The following NPR3 variants were observed in gnomAD, a reference collection of about 807,000 sequenced individuals.
NPR3 encodes atrial natriuretic peptide receptor 3.
Under a neutral mutation model 54.5 loss-of-function variants are expected in NPR3, and 34 were observed. That is an observed-to-expected ratio of 0.62 (90% CI 0.47 to 0.83). NPR3 has a LOEUF of 0.83. Among genes scored for constraint, NPR3 ranks in the 40% least tolerant of loss-of-function variants. The pLI is 0.00. For missense variants in NPR3, 674 were observed against 720.8 expected (o/e 0.94, Z 0.74); for synonymous variants, 289 against 297.1 (o/e 0.97, Z 0.28).
At chr5:32,720,863 A>G (rs1354397253) in intron 1 of NPR3, among the ~76,000 whole-genome samples, 1 of 152,152 alleles carries the variant, frequency 6.6e-6, no homozygotes, top group Admixed American at 6.5e-5. Flanking sequence ...TTCTTCATAT[A>G]CTTTCTAAGA....
At chr5:32,691,748 G>A (rs930828802) in intron 1 of NPR3, among the ~76,000 whole-genome samples, 1 of 152,178 alleles carries the variant, frequency 6.6e-6, no homozygotes, top group African/African-American at 2.4e-5. Flanking sequence ...TCTAAAAGGG[G>A]ACACCGATGA....
rs563807524 is a variant in NPR3 at position 32,756,778 on chromosome 5, G to A, written c.1059+17748G>A. Among the ~76,000 whole-genome samples the A allele has an allele frequency of 2.6e-4, 40 of 152,280 alleles. 2 individuals are homozygous for A. In the South Asian group the frequency reaches 7.7e-3, roughly 29 times the overall value. ...TTTAATCCCTCTTGAATTAATTTTTGTATAAGGTGTAAGGAAGTGATCCAG... is the reference window on the plus strand; with the variant it reads ...TTTAATCCCTCTTGAATTAATTTTTATATAAGGTGTAAGGAAGTGATCCAG... On this transcript the variant is annotated intron_variant, in intron 3 of 7. Transcript: ENST00000265074.
chr5:32,713,146 G>T, intron 1 of NPR3: 2 of 984,940 alleles, frequency 2.0e-6, no homozygotes, highest in Non-Finnish European at 2.4e-6. Flanking sequence ...AGCTTCTGTG[G>T]TTTCCACCAA....
chr5:32,759,822 A>G (rs575534594), intron 3 of NPR3, among the ~76,000 whole-genome samples: 1 of 152,144 alleles, frequency 6.6e-6, no homozygotes, highest in East Asian at 1.9e-4. Flanking sequence ...ATCTCTCCGC[A>G]TTTGCTTGTC....
At position 32,692,233 on chromosome 5, in the gene NPR3, A is replaced by G. The variant is rs970960571; in HGVS notation, c.100+3047A>G. Among the ~76,000 whole-genome samples the G allele has an allele frequency of 5.9e-5, 9 of 152,240 alleles. 1 individual carries two copies. The highest frequency in any genetic ancestry group is 1.7e-4 in the African/African-American group (7 of 41,458). ...TGATTTGCAAATGAAGAAAATGTGT[A>G]CACTTATATATACTTAGACATGAGA... On this transcript the variant is annotated intron_variant, in intron 1 of 5. Transcript: ENST00000509104.
chr5:32,735,661 C>T (rs1312510218), intron 2 of NPR3, among the ~76,000 whole-genome samples: 1 of 152,150 alleles, frequency 6.6e-6, no homozygotes, highest in Non-Finnish European at 1.5e-5. Flanking sequence ...AAGGCTGATT[C>T]TCATCATATC....
chr5:32,771,681 G>C (rs1020261884), intron 3 of NPR3, among the ~76,000 whole-genome samples: 1 of 152,104 alleles, frequency 6.6e-6, no homozygotes, highest in African/African-American at 2.4e-5. Context: ...GGTGATGCCC[G>C]GTGGCTGGTG....
chr5:32,742,381 G>C (rs1489685716), intron 3 of NPR3, among the ~76,000 whole-genome samples: 1 of 152,068 alleles, frequency 6.6e-6, no homozygotes, highest in East Asian at 1.9e-4. Context: ...CAGGTACTTG[G>C]GAAGCTGAGG....
chr5:32,691,909 G>A (rs34741932), intron 1 of NPR3, among the ~76,000 whole-genome samples: 14,541 of 152,280 alleles, frequency 0.095, 819 homozygotes, highest in Admixed American at 0.18. Context: ...ATCTGTCCAT[G>A]CTATTCTCTG....
At chr5:32,783,256 C>T (rs532857831) in intron 6 of NPR3, 1 of 429,460 alleles carries the variant, frequency 2.3e-6, no homozygotes, top group East Asian at 3.8e-5. Context: ...ATTTTTACAT[C>T]TCTTACTATA....
chr5:32,778,046 G>A (rs777334758), intron 4 of NPR3, among the ~76,000 whole-genome samples: 3 of 152,126 alleles, frequency 2.0e-5, no homozygotes, highest in Non-Finnish European at 4.4e-5. Context: ...GCTGGAGGGC[G>A]CCACTGAGGG....
chr5:32,723,641 A>G (rs1023220430), intron 1 of NPR3, among the ~76,000 whole-genome samples: 2 of 152,186 alleles, frequency 1.3e-5, no homozygotes, highest in Non-Finnish European at 2.9e-5. Flanking sequence ...AATTTTCACT[A>G]TCTTATATCC....
intron 3 of NPR3, among the ~76,000 whole-genome samples, chr5:32,743,197 A>G (rs1239998981): frequency 6.6e-6 from 1 of 152,018 alleles, no homozygotes; most frequent in Non-Finnish European, 1.5e-5. Flanking sequence ...TCTCTTTTTA[A>G]TTGACTTTTT....
chr5:32,715,345 A>C (rs1408672301), intron 1 of NPR3, among the ~76,000 whole-genome samples: 1 of 152,170 alleles, frequency 6.6e-6, no homozygotes, highest in East Asian at 1.9e-4. Flanking sequence ...CATTGGTATT[A>C]CTTTTTTTTT....
intron 5 of NPR3, 76 bp downstream of exon 5, chr5:32,780,892 C>G (rs540689007): frequency 2.8e-6 from 2 of 705,090 alleles, no homozygotes; most frequent in African/African-American, 3.6e-5. Context: ...GTTCTGGTGG[C>G]CAAAGAGCTG....
rs1358446226 is a variant in NPR3, at chr5:32,711,770, C to A, written c.-7C>A. On this transcript the variant is annotated 5_prime_UTR_variant, in exon 1 of 8. Transcript: ENST00000265074. ...GGCGGCGAGGGCAAGCTCTTTCTTG[C>A]GGCACGATGCCGTCTCTGCTGGTGC... 1 of 1,416,858 alleles carries A rather than the reference C, an allele frequency of 7.1e-7. No homozygotes were observed. The highest frequency in any genetic ancestry group is 9.2e-7 in the Non-Finnish European group (1 of 1,085,254). 87.8% of individuals were successfully genotyped at this position (1,416,858 alleles called of 1,614,324 possible).
chr5:32,717,045 G>A (rs927546967), intron 1 of NPR3, among the ~76,000 whole-genome samples: 2 of 112,240 alleles, frequency 1.8e-5, no homozygotes, highest in Middle Eastern at 0.02. Context: ...GATGTTTCCC[G>A]CCCTGTGTCC....
intron 2 of NPR3, among the ~76,000 whole-genome samples, chr5:32,735,384 C>T (rs1739675598): frequency 6.6e-6 from 1 of 151,480 alleles, no homozygotes; most frequent in African/African-American, 2.4e-5. Flanking sequence ...TCCTCACGCA[C>T]AGTGCTCTGC....
chr5:32,721,731 G>A (rs1738875667), intron 1 of NPR3, among the ~76,000 whole-genome samples: 1 of 152,200 alleles, frequency 6.6e-6, no homozygotes, highest in African/African-American at 2.4e-5. Context: ...GGTGGGGTAT[G>A]TCTTAGTTTG....
Sources: allele counts gnomAD v4.1 joint callset (sites outside exome capture counted in the v4.1 genomes callset), GRCh38; gene constraint gnomAD v4.1.1; transcripts MANE v1.5; gene names NCBI Gene and HGNC (gene_info 2026-07-23, HGNC 2026-07-21).